Variants in DPYS observed in about 807,000 individuals in gnomAD.
DPYS encodes dihydropyrimidine amidohydrolase.
DPYS carries 39 observed loss-of-function variants against 50.3 expected under a neutral mutation model. The ratio of observed to expected loss-of-function variants is 0.78; its 90% CI spans 0.60 to 1.01. The LOEUF (loss-of-function observed/expected upper bound fraction) is 1.01, where lower values mean the gene tolerates loss of function less well. Ranked by LOEUF, DPYS falls within the 50% of genes least tolerant of loss-of-function variation. The probability of loss-of-function intolerance (pLI) is 0.00; values close to 1 mark genes in which losing one functional copy is unlikely to be tolerated. For synonymous variants in DPYS, 245 were observed against 250.7 expected, an observed-to-expected ratio of 0.98 and a Z score of 0.22; for missense variants, 659 against 680.9, an observed-to-expected ratio of 0.97 and a Z score of 0.36.
chr8:104,415,916 C>A (rs562692958), intron 7 of DPYS, among the ~76,000 whole-genome samples: 1 of 152,120 alleles, frequency 6.6e-6, no homozygotes, highest in Admixed American at 6.6e-5. Context: ...ACAAACTGAC[C>A]ACCTACTACT....
intron 8 of DPYS, among the ~76,000 whole-genome samples, chr8:104,386,145 C>T (rs1337407412): frequency 1.3e-5 from 2 of 152,138 alleles, no homozygotes; most frequent in Non-Finnish European, 2.9e-5. Context: ...TATAAATAAA[C>T]ATTAATTCCA....
intron 7 of DPYS, among the ~76,000 whole-genome samples, chr8:104,412,979 T>C (rs1812239551): frequency 6.6e-6 from 1 of 152,204 alleles, no homozygotes; most frequent in East Asian, 1.9e-4. Flanking sequence ...TTTCTGCATT[T>C]AGTTGCAAAG....
At chr8:104,431,374 A>G (rs1812950723) in intron 4 of DPYS, among the ~76,000 whole-genome samples, 1 of 151,604 alleles carries the variant, frequency 6.6e-6, no homozygotes, top group Non-Finnish European at 1.5e-5. Context: ...GTGACAGGCC[A>G]CTTTAGTGGT....
At chr8:104,386,649 A>C (rs948335189) in intron 8 of DPYS, among the ~76,000 whole-genome samples, 4 of 148,730 alleles carry the variant, frequency 2.7e-5, no homozygotes, top group African/African-American at 9.9e-5. Context: ...TTTTTTTGAG[A>C]CAGAGCCTCA....
At chr8:104,449,838 G>A (rs1455627284) in intron 2 of DPYS, among the ~76,000 whole-genome samples, 1 of 152,190 alleles carries the variant, frequency 6.6e-6, no homozygotes, top group Non-Finnish European at 1.5e-5. Flanking sequence ...AACCAACCCT[G>A]CTGACACCTA....
At chr8:104,439,667 C>T (rs772375481) in intron 4 of DPYS, among the ~76,000 whole-genome samples, 6 of 152,038 alleles carry the variant, frequency 3.9e-5, no homozygotes, top group South Asian at 2.1e-4. Flanking sequence ...CATGAGTAGT[C>T]GCAGCTACTT....
rs36027551 is a variant in DPYS, at chr8:104,447,386, G to A, written c.541C>T (p.Arg181Trp). ...TDLELYEAFS[R>W]CKEIGAIAQV... ...GCAATTGCTCCAATTTCCTTGCACC[G>A]AGAGAAGGCTTCGTACAGCTCCAGG... Residue 181 changes from arginine (R) to tryptophan (W), a missense_variant, in exon 3 of 10, where the codon CGG becomes TGG. Physicochemically the swap from Arg to Trp is moderately radical, Grantham distance 101. Coordinates refer to ENST00000351513, the MANE Select transcript of DPYS (RefSeq NM_001385.3). The A allele has an allele frequency of 4.0e-3, 6,462 of 1,613,872 alleles. 119 individuals are homozygous for A. In the East Asian group the frequency reaches 0.044, roughly 11 times the overall value.
Position 104,460,209 on chromosome 8 carries a change from G to A in DPYS, c.264+6448C>T, listed in dbSNP as rs550033188. 2.6e-5 allele frequency among the ~76,000 whole-genome samples: 4 copies of A among 152,228 alleles called. No homozygotes were observed. The South Asian group carries it at 8.3e-4, about 32-fold the overall frequency. On this transcript the variant is annotated intron_variant, in intron 1 of 9. Coordinates refer to ENST00000351513, the MANE Select transcript of DPYS (RefSeq NM_001385.3). ...CCTCTCTCAGACATTTTATGGTTTG[G>A]CTCTGTGTCCCCACCCAAATCTCAA...
chr8:104,381,229 G>A lies in DPYS; in HGVS notation c.1529C>T (p.Thr510Ile), dbSNP rs1474199708. 5 of 1,614,016 alleles carry A rather than the reference G, an allele frequency of 3.1e-6. No homozygotes were observed. Among genetic ancestry groups the A allele is most frequent in the African/African-American group, 1.3e-5 (1 of 74,902 alleles). ...LKSRVTKEDA[T>I]AGTRKQAHP is the part of the protein sequence containing the mutation. ...GTGGGCCTGTTTCCTGGTCCCTGCT[G>A]TGGCATCTTCTTTTGTCACTCTGGA... Residue 510 changes from threonine to isoleucine, a missense_variant, in exon 9 of 10, where the codon ACA (threonine) becomes ATA (isoleucine). Coordinates refer to ENST00000351513, the MANE Select transcript of DPYS (RefSeq NM_001385.3).
intron 7 of DPYS, chr8:104,419,484 C>A (rs1054565524): frequency 9.9e-5 from 15 of 152,192 alleles, no homozygotes. Context: ...CCAGAAAATA[C>A]AACATGGAAA....
At chr8:104,456,236 T>G (rs13264598) in intron 1 of DPYS, among the ~76,000 whole-genome samples, 13,253 of 152,184 alleles carry the variant, frequency 0.087, 674 homozygotes, top group South Asian at 0.11. Context: ...AACCACAAAT[T>G]TGCCTAATGA....
intron 1 of DPYS, among the ~76,000 whole-genome samples, chr8:104,458,063 G>T (rs1813989459): frequency 1.3e-5 from 2 of 152,088 alleles, no homozygotes; most frequent in African/African-American, 4.8e-5. Flanking sequence ...AAAGGAAGAG[G>T]GCCATAAAGA....
intron 7 of DPYS, among the ~76,000 whole-genome samples, chr8:104,418,499 C>A (rs1419917556): frequency 2.0e-5 from 3 of 152,200 alleles, no homozygotes; most frequent in Non-Finnish European, 4.4e-5. Context: ...ACAAGGTGAA[C>A]TCTATTTAAA....
At chr8:104,414,941 T>A (rs370318584) in intron 7 of DPYS, among the ~76,000 whole-genome samples, 1 of 152,224 alleles carries the variant, frequency 6.6e-6, no homozygotes, top group African/African-American at 2.4e-5. Flanking sequence ...TGCATCTTTG[T>A]CAAGCACTGC....
chr8:104,416,212 G>A (rs1357693276), intron 7 of DPYS, among the ~76,000 whole-genome samples: 2 of 152,172 alleles, frequency 1.3e-5, no homozygotes, highest in Non-Finnish European at 2.9e-5. Flanking sequence ...TGGCAGGTTT[G>A]ATTTTGTGTG....
intron 8 of DPYS, among the ~76,000 whole-genome samples, chr8:104,383,534 G>A (rs539384824): frequency 9.9e-5 from 15 of 151,972 alleles, no homozygotes; most frequent in African/African-American, 3.6e-4. Flanking sequence ...GTTTGGCCTG[G>A]CGTGGGCTGA....
At chr8:104,403,157 AC>A (rs1417110285) in intron 7 of DPYS, among the ~76,000 whole-genome samples, 5 of 152,122 alleles carry the variant, frequency 3.3e-5, no homozygotes, top group Admixed American at 1.3e-4. Context: ...CCTACTGCTG[AC>A]TTCCATCTCT....
chr8:104,430,044 A>G (rs1397260254), intron 4 of DPYS, among the ~76,000 whole-genome samples: 31 of 152,250 alleles, frequency 2.0e-4, no homozygotes, highest in Admixed American at 2.0e-3. Context: ...TAAAAAGATG[A>G]AAATAAAGCT....
chr8:104,396,372 A>C (rs1199779578), intron 7 of DPYS, among the ~76,000 whole-genome samples: 1 of 152,198 alleles, frequency 6.6e-6, no homozygotes, highest in Non-Finnish European at 1.5e-5. Flanking sequence ...GGGAGGAAAA[A>C]AGAAATTCTT....
Sources: gnomAD v4.1 joint callset for allele counts (sites outside exome capture counted in the v4.1 genomes callset) on GRCh38, gnomAD v4.1.1 for gene constraint, MANE v1.5 for transcripts, NCBI Gene and HGNC (gene_info 2026-07-23, HGNC 2026-07-21) for gene names.